Variants in DAB1 observed in about 807,000 individuals in gnomAD.
DAB1 encodes disabled homolog 1.
Under a neutral mutation model 64.6 loss-of-function variants are expected in DAB1, and 15 were observed. The observed-to-expected ratio is 0.23, with a 90% CI of 0.16 to 0.36. The LOEUF is 0.36. Ranked by LOEUF, DAB1 falls within the 10% of genes least tolerant of loss-of-function variation. The probability of loss-of-function intolerance (pLI) is 1.00; values close to 1 mark genes in which losing one functional copy is unlikely to be tolerated. For missense variants in DAB1, 596 were observed against 706.7 expected, an observed-to-expected ratio of 0.84 and a Z score of 1.78; for synonymous variants, 235 against 251.9, an observed-to-expected ratio of 0.93 and a Z score of 0.64.
chr1:57,114,992 T>G (rs368292644), intron 4 of DAB1, among the ~76,000 whole-genome samples: 1 of 152,164 alleles, frequency 6.6e-6, no homozygotes, highest in African/African-American at 2.4e-5. Flanking sequence ...AGAATTAAAT[T>G]GAATAAATGC....
chr1:57,867,043 C>T (rs1003910370), intron 1 of DAB1: 2 of 152,176 alleles, frequency 1.3e-5, no homozygotes, highest in Non-Finnish European at 2.9e-5. Flanking sequence ...GGAATCACCA[C>T]ACCTACTCAG....
chr1:57,679,448 G>A (rs973996914), intron 6 of DAB1, among the ~76,000 whole-genome samples: 4 of 152,340 alleles, frequency 2.6e-5, no homozygotes, highest in Admixed American at 6.5e-5. Flanking sequence ...AGAAGCACAC[G>A]CTCTTCATCA....
chr1:57,610,274 CA>C (rs1645710132), intron 7 of DAB1, among the ~76,000 whole-genome samples: 1 of 152,168 alleles, frequency 6.6e-6, no homozygotes, highest in South Asian at 2.1e-4. Context: ...GCTTTTAAGT[CA>C]AAAGCTTCTG....
chr1:57,637,999 C>T (rs1008664698), intron 7 of DAB1, among the ~76,000 whole-genome samples: 1 of 152,116 alleles, frequency 6.6e-6, no homozygotes. Flanking sequence ...TAGAGAAACA[C>T]TTTTGGCATG....
At chr1:58,379,889 A>G (rs757206270) in intron 3 of DAB1, among the ~76,000 whole-genome samples, 3 of 152,248 alleles carry the variant, frequency 2.0e-5, no homozygotes, top group Non-Finnish European at 4.4e-5. Context: ...TCTCAGTTTC[A>G]TTAACTAAGC....
At chr1:58,358,769 T>C (rs1644134521) in intron 3 of DAB1, among the ~76,000 whole-genome samples, 1 of 152,188 alleles carries the variant, frequency 6.6e-6, no homozygotes, top group Non-Finnish European at 1.5e-5. Context: ...CCTTTGGATA[T>C]GATTTCCAGA....
intron 1 of DAB1, among the ~76,000 whole-genome samples, chr1:57,297,548 A>T (rs1022935957): frequency 6.6e-6 from 1 of 152,136 alleles, no homozygotes; most frequent in Non-Finnish European, 1.5e-5. Flanking sequence ...ATACGTACAT[A>T]CATAGAGAGA....
chr1:58,080,122 A>ACAGT (rs1184335365), intron 5 of DAB1: 1 of 152,190 alleles, frequency 6.6e-6, no homozygotes, highest in Non-Finnish European at 1.5e-5. Flanking sequence ...TGAGAAATGT[A>ACAGT]CAGTCCATCT....
chr1:57,907,212 G>A (rs1423264417), intron 5 of DAB1, among the ~76,000 whole-genome samples: 1 of 152,174 alleles, frequency 6.6e-6, no homozygotes, highest in Non-Finnish European at 1.5e-5. Flanking sequence ...GGCTCTTGGT[G>A]CCCTCAGTAC....
intron 5 of DAB1, among the ~76,000 whole-genome samples, chr1:57,893,645 A>T (rs946977811): frequency 6.6e-6 from 1 of 152,180 alleles, no homozygotes; most frequent in Admixed American, 6.5e-5. Flanking sequence ...AAAGTACAGA[A>T]TAATGGGGTG....
upstream of DAB1, among the ~76,000 whole-genome samples, chr1:57,886,991 T>C (rs1364426911): frequency 6.6e-6 from 1 of 152,210 alleles, no homozygotes; most frequent in Non-Finnish European, 1.5e-5. Context: ...AGGTTTTCAA[T>C]AGGTGTTCAT....
At chr1:57,648,075 G>C (rs1646214663) in intron 7 of DAB1, among the ~76,000 whole-genome samples, 1 of 152,172 alleles carries the variant, frequency 6.6e-6, no homozygotes, top group Non-Finnish European at 1.5e-5. Context: ...TCCTCCTTAG[G>C]TAGAAAACCT....
intron 3 of DAB1, among the ~76,000 whole-genome samples, chr1:58,471,541 G>T (rs1387654491): frequency 1.3e-5 from 2 of 152,180 alleles, no homozygotes; most frequent in Admixed American, 1.3e-4. Context: ...CTATTGGCTG[G>T]TGATATGGTT....
chr1:58,074,587 T>TATATACACAC (rs1489011526), intron 5 of DAB1, among the ~76,000 whole-genome samples: 1 of 132,540 alleles, frequency 7.5e-6, no homozygotes. Flanking sequence ...TATATATATA[T>TATATACACAC]ATATATATTT....
intron 1 of DAB1, among the ~76,000 whole-genome samples, chr1:57,852,651 C>T (rs975902869): frequency 1.3e-5 from 2 of 152,058 alleles, no homozygotes; most frequent in Non-Finnish European, 2.9e-5. Context: ...GCCCAGGAAT[C>T]CAGGTCAACC....
chr1:58,450,598 C>T (rs753413796), intron 3 of DAB1, among the ~76,000 whole-genome samples: 1 of 151,980 alleles, frequency 6.6e-6, no homozygotes, highest in Non-Finnish European at 1.5e-5. Context: ...ACTAAAAACA[C>T]AAAAAATTAG....
At chr1:57,476,429 A>G (rs1643940012) in intron 7 of DAB1, among the ~76,000 whole-genome samples, 1 of 152,022 alleles carries the variant, frequency 6.6e-6, no homozygotes, top group African/African-American at 2.4e-5. Flanking sequence ...CTTCATTCAA[A>G]GTAATCACCC....
At chr1:57,248,364 A>C (rs1395611826) in intron 2 of DAB1, among the ~76,000 whole-genome samples, 2 of 152,170 alleles carry the variant, frequency 1.3e-5, no homozygotes, top group East Asian at 1.9e-4. Flanking sequence ...TTTTTATGAC[A>C]GTGGCCATAA....
At chr1:58,369,275 T>C (rs1322305804) in intron 3 of DAB1, among the ~76,000 whole-genome samples, 3 of 152,180 alleles carry the variant, frequency 2.0e-5, no homozygotes, top group African/African-American at 7.2e-5. Context: ...AATATTAGCT[T>C]CTGAATATTT....
Sources: allele counts gnomAD v4.1 joint callset (sites outside exome capture counted in the v4.1 genomes callset), GRCh38; gene constraint gnomAD v4.1.1; transcripts MANE v1.5; gene names NCBI Gene and HGNC (gene_info 2026-07-23, HGNC 2026-07-21).